Variants in LYPD1 observed in about 807,000 individuals in gnomAD.
LYPD1 encodes LY6/PLAUR domain containing 1.
Under a neutral mutation model 14.2 loss-of-function variants are expected in LYPD1, and 14 were observed. The observed-to-expected ratio is 0.99, with a 90% CI of 0.65 to 1.54. LYPD1 has a LOEUF of 1.54. LYPD1 is among the 40% of genes most tolerant of loss of function. The probability of loss-of-function intolerance (pLI) is 0.00; values close to 1 mark genes in which losing one functional copy is unlikely to be tolerated. For synonymous variants in LYPD1, 85 were observed against 70.6 expected (o/e 1.20, Z -1.02); for missense variants, 165 against 175.7 (o/e 0.94, Z 0.34).
Position 132,645,112 on chromosome 2 carries a change from G to A in LYPD1, c.*933C>T. 6.2e-7 allele frequency: 1 copy of A among 1,612,470 alleles called. No individual in the cohort carries two copies. The highest frequency in any genetic ancestry group is 8.5e-7 in the Non-Finnish European group (1 of 1,179,066). On this transcript the variant is annotated 3_prime_UTR_variant, in exon 3 of 3. Transcript: ENST00000397463. ...TCGTGTCTGCCCAGGGCTGATTGTT[G>A]TGACATTGGCCGTATGCTGGATGCC... is the stretch of plus-strand genomic sequence containing the variant.
chr2:132,646,546 G>A (rs760997862), intron 2 of LYPD1: 1 of 355,590 alleles, frequency 2.8e-6, no homozygotes, highest in Non-Finnish European at 5.0e-6. Flanking sequence ...ATAAAGAGCT[G>A]TTAAATAGAC....
At chr2:132,646,388 CCA>C (rs1470299230) in intron 2 of LYPD1, 108 bp from the exon 3 acceptor site, 3 of 648,808 alleles carry the variant, frequency 4.6e-6, no homozygotes, top group African/African-American at 3.8e-5. Context: ...CTCCCACAGC[CCA>C]GAGACTAGGT....
rs1460027340 is a variant in LYPD1 at position 132,646,112 on chromosome 2, G to A, written c.359C>T (p.Ala120Val). The change falls in exon 3 of 3, where the codon GCC becomes GTC. Residue 120 changes from alanine to valine, a missense_variant. By Grantham distance (64) the Ala-to-Val change is moderately conservative. Transcript: ENST00000397463. ...RPKKRGSSAS[A>V]LRPGLRTTIL... is the part of the protein sequence containing the mutation. ...GGTGGTGCGGAGCCCTGGCCTGAGG[G>A]CCGAGGCAGAACTTCCCCTTTTCTT... is the stretch of plus-strand genomic sequence containing the variant. 2.5e-6 allele frequency: 4 copies of A among 1,608,566 alleles called. No individual in the cohort carries two copies. The African/African-American group carries it at 5.4e-5, about 22-fold the overall frequency.
At chr2:132,665,351 G>C (rs1311464546) in intron 2 of LYPD1, among the ~76,000 whole-genome samples, 1 of 152,144 alleles carries the variant, frequency 6.6e-6, no homozygotes, top group African/African-American at 2.4e-5. Flanking sequence ...TCGATTTAAA[G>C]CCCTGGTTTT....
rs1681941071 is a variant in LYPD1 at position 132,644,349 on chromosome 2, CA to C, written c.*1695del. ...CTGTTGACAGCACAGCTCAGTGCTG[CA>C]AAGGAAGGGAACATGTTACTGGCTG... is the stretch of plus-strand genomic sequence containing the variant. On this transcript the variant is annotated 3_prime_UTR_variant, in exon 3 of 3. Transcript: ENST00000397463. 6.6e-6 allele frequency among the ~76,000 whole-genome samples: 1 copy of C among 152,124 alleles called. No individual in the cohort carries two copies. Among genetic ancestry groups the C allele is most frequent in the African/African-American group, 2.4e-5 (1 of 41,418 alleles).
Position 132,645,278 on chromosome 2 carries a change from C to A in LYPD1, c.*767G>T. On this transcript the variant is annotated 3_prime_UTR_variant, in exon 3 of 3. Coordinates refer to ENST00000397463, the MANE Select transcript of LYPD1 (RefSeq NM_144586.7). ...TCGGTCATCAACCCGCTCCTGTACACGGTGTCCTCGCAGCAGTTTCGGCGG... is the reference window on the plus strand; with the variant it reads ...TCGGTCATCAACCCGCTCCTGTACAAGGTGTCCTCGCAGCAGTTTCGGCGG... 6.2e-7 allele frequency: 1 copy of A among 1,614,212 alleles called. No individual in the cohort carries two copies. The highest frequency in any genetic ancestry group is 8.5e-7 in the Non-Finnish European group (1 of 1,180,034).
rs143987868 is a variant in LYPD1, at chr2:132,651,346, G to A, written c.191-5066C>T. ...GAAAAGAGCCACCAGGAGCTGCCCC[G>A]AAGCTCAAGTCTCAGGGTCACGGGG... On this transcript the variant is annotated intron_variant, in intron 2 of 2. Transcript: ENST00000397463. 4.1e-3 allele frequency among the ~76,000 whole-genome samples: 623 copies of A among 152,238 alleles called. 3 individuals are homozygous for A. Among genetic ancestry groups the A allele is most frequent in the African/African-American group, 0.014 (587 of 41,532 alleles).
chr2:132,666,981 T>A (rs553938074), intron 2 of LYPD1: 33 of 152,290 alleles, frequency 2.2e-4, no homozygotes, highest in African/African-American at 7.9e-4. Flanking sequence ...CAATAAAGTG[T>A]TAACAGTAAT....
Position 132,645,242 on chromosome 2 carries a change from T to A in LYPD1, c.*803A>T. The A allele has an allele frequency of 1.2e-6, 2 of 1,614,162 alleles. No individual in the cohort carries two copies. The highest frequency in any genetic ancestry group is 1.7e-6 in the Non-Finnish European group (2 of 1,180,030). On this transcript the variant is annotated 3_prime_UTR_variant, in exon 3 of 3. Coordinates refer to ENST00000397463, the MANE Select transcript of LYPD1 (RefSeq NM_144586.7). ...CTCCTCCCCTTCTCGGAGACGTTTTTCTACCTCAGCTCGGTCATCAACCCG... is the reference window on the plus strand; with the variant it reads ...CTCCTCCCCTTCTCGGAGACGTTTTACTACCTCAGCTCGGTCATCAACCCG...
intron 2 of LYPD1, among the ~76,000 whole-genome samples, chr2:132,652,637 C>T (rs1191703540): frequency 6.6e-6 from 1 of 152,174 alleles, no homozygotes; most frequent in Non-Finnish European, 1.5e-5. Flanking sequence ...GAGATGTGTC[C>T]TGCCAAGACC....
At chr2:132,650,136 A>AACTC (rs899538603) in intron 2 of LYPD1, among the ~76,000 whole-genome samples, 4 of 152,234 alleles carry the variant, frequency 2.6e-5, no homozygotes, top group Admixed American at 1.3e-4. Flanking sequence ...AGGAATAAAT[A>AACTC]ACTCATTAGA....
Position 132,668,553 on chromosome 2 carries a change from A to C in LYPD1, c.53-16T>G. On this transcript the variant is annotated splice_polypyrimidine_tract_variant and intron_variant, in intron 1 of 2. Coordinates refer to ENST00000397463, the MANE Select transcript of LYPD1 (RefSeq NM_144586.7). ...AGCGCAAAGCCTGCGAGACAGACGC[A>C]GTCGGGTTCAGATCCGGCCCCCACA... is the stretch of plus-strand genomic sequence containing the variant. The C allele has an allele frequency of 6.2e-7, 1 of 1,610,030 alleles. No individual in the cohort carries two copies. The highest frequency in any genetic ancestry group is 8.5e-7 in the Non-Finnish European group (1 of 1,179,004).
chr2:132,665,343 G>A (rs953011500), intron 2 of LYPD1, among the ~76,000 whole-genome samples: 7 of 152,202 alleles, frequency 4.6e-5, no homozygotes, highest in African/African-American at 7.2e-5. Flanking sequence ...TTTCTTAGTC[G>A]ATTTAAAGCC....
chr2:132,659,605 C>T (rs1277088198), intron 2 of LYPD1, among the ~76,000 whole-genome samples: 3 of 152,268 alleles, frequency 2.0e-5, no homozygotes, highest in East Asian at 3.9e-4. Flanking sequence ...TTGCTTTATC[C>T]CTCTTTCCCT....
intron 1 of LYPD1, 88 bp from the exon 2 acceptor site, chr2:132,668,625 G>A (rs1683430508): frequency 1.9e-6 from 3 of 1,541,242 alleles, no homozygotes; most frequent in South Asian, 2.4e-5. Flanking sequence ...AGAGCCAGGC[G>A]GCTCCCAGCC....
intron 2 of LYPD1, among the ~76,000 whole-genome samples, chr2:132,663,686 T>C (rs1190780959): frequency 6.6e-6 from 1 of 152,146 alleles, no homozygotes; most frequent in Non-Finnish European, 1.5e-5. Flanking sequence ...GCCCATCTGA[T>C]TGATTCAAAA....
Position 132,646,270 on chromosome 2 carries a change from G to GTACATGATCCC in LYPD1, c.191-1_200dup (p.Tyr67Ter). The GTACATGATCCC allele has an allele frequency of 6.5e-7, 1 of 1,544,058 alleles. No homozygotes were observed. The highest frequency in any genetic ancestry group is 8.8e-7 in the Non-Finnish European group (1 of 1,141,442). On this transcript the variant is annotated stop_gained and frameshift_variant, in exon 3 of 3. Coordinates refer to ENST00000397463, the MANE Select transcript of LYPD1 (RefSeq NM_144586.7). LOFTEE classifies it high-confidence loss of function. Reference sequence around the variant, plus strand: ...CCGCTGATGATGCACAGGACTTGCGGTACATGATCCCTGTAACACAGACCC... The same window carrying GTACATGATCCC: ...CCGCTGATGATGCACAGGACTTGCGGTACATGATCCCTACATGATCCCTGTAACACAGACCC...
chr2:132,667,884 G>A (rs1011390425), intron 2 of LYPD1, among the ~76,000 whole-genome samples: 2 of 152,212 alleles, frequency 1.3e-5, no homozygotes, highest in East Asian at 1.9e-4. Flanking sequence ...TCCTTTGAAA[G>A]ATCTTGGCAA....
At chr2:132,649,894 T>A (rs1682287508) in intron 2 of LYPD1, among the ~76,000 whole-genome samples, 1 of 151,898 alleles carries the variant, frequency 6.6e-6, no homozygotes, top group Non-Finnish European at 1.5e-5. Flanking sequence ...TTTTTTTATG[T>A]AAGAGTTGTA....
Sources: gnomAD v4.1 joint callset for allele counts (sites outside exome capture counted in the v4.1 genomes callset) on GRCh38, gnomAD v4.1.1 for gene constraint, MANE v1.5 for transcripts, NCBI Gene and HGNC (gene_info 2026-07-23, HGNC 2026-07-21) for gene names.